The following FOXP2 variants were observed in gnomAD, a reference collection of about 807,000 sequenced individuals.
The protein encoded by FOXP2 is forkhead box protein P2.
FOXP2 carries 12 observed loss-of-function variants against 115.8 expected under a neutral mutation model. The observed-to-expected ratio is 0.10, with a 90% confidence interval of 0.07 to 0.17. FOXP2 has a LOEUF of 0.17. FOXP2 is among the 10% of genes least tolerant of loss of function. The probability of loss-of-function intolerance (pLI) is 1.00; values close to 1 mark genes in which losing one functional copy is unlikely to be tolerated. For synonymous variants in FOXP2, 328 were observed against 297.7 expected, an observed-to-expected ratio of 1.10 and a Z score of -1.05; for missense variants, 629 against 843.5, an observed-to-expected ratio of 0.75 and a Z score of 3.15.
intron 3 of FOXP2, among the ~76,000 whole-genome samples, chr7:114,596,782 A>G (rs1168766468): frequency 2.6e-5 from 4 of 152,032 alleles, no homozygotes. Context: ...CATTAGGATG[A>G]TATTCTTAGT....
chr7:114,294,164 A>G (rs1796678527), intron 2 of FOXP2, among the ~76,000 whole-genome samples: 1 of 152,234 alleles, frequency 6.6e-6, no homozygotes, highest in African/African-American at 2.4e-5. Flanking sequence ...ATTTTGCAAC[A>G]TGCAGAAGCT....
intron 1 of FOXP2, among the ~76,000 whole-genome samples, chr7:114,096,265 G>T (rs759533873): frequency 6.6e-6 from 1 of 152,136 alleles, no homozygotes; most frequent in Non-Finnish European, 1.5e-5. Context: ...ATTTTACATT[G>T]TTAAATGTTA....
At chr7:114,658,687 T>C (rs1303065504) in intron 11 of FOXP2, among the ~76,000 whole-genome samples, 2 of 152,230 alleles carry the variant, frequency 1.3e-5, no homozygotes, top group African/African-American at 4.8e-5. Context: ...ATCAAGGTGC[T>C]ACCTAAATGA....
chr7:114,388,587 G>A (rs1432040878), intron 2 of FOXP2, among the ~76,000 whole-genome samples: 1 of 152,090 alleles, frequency 6.6e-6, no homozygotes, highest in Non-Finnish European at 1.5e-5. Context: ...ACCAGCAGGA[G>A]TTCTGATAGC....
At chr7:114,308,252 T>TG (rs1017308310) in intron 2 of FOXP2, among the ~76,000 whole-genome samples, 1 of 152,016 alleles carries the variant, frequency 6.6e-6, no homozygotes, top group African/African-American at 2.4e-5. Flanking sequence ...CATAGGCCAC[T>TG]GGGGGGGACT....
intron 2 of FOXP2, among the ~76,000 whole-genome samples, chr7:114,504,277 CT>C (rs1261477232): frequency 1.3e-5 from 2 of 151,476 alleles, no homozygotes; most frequent in Admixed American, 1.3e-4. Flanking sequence ...TCTTTTATTA[CT>C]TTTTTCTCTC....
chr7:114,508,574 G>A (rs1337857557), intron 2 of FOXP2, among the ~76,000 whole-genome samples: 1 of 152,022 alleles, frequency 6.6e-6, no homozygotes, highest in African/African-American at 2.4e-5. Context: ...CAATTAAGGA[G>A]AAGAGGAGCA....
intron 3 of FOXP2, among the ~76,000 whole-genome samples, chr7:114,619,232 G>A (rs1272202628): frequency 6.6e-6 from 1 of 151,930 alleles, no homozygotes; most frequent in Non-Finnish European, 1.5e-5. Flanking sequence ...AAAAGAAATG[G>A]CCACTTTGTG....
At chr7:114,148,434 C>T (rs147564148) in intron 1 of FOXP2, among the ~76,000 whole-genome samples, 141 of 152,182 alleles carry the variant, frequency 9.3e-4, no homozygotes, top group Non-Finnish European at 1.3e-3. Context: ...TTGTAGGCAA[C>T]GTTCACTTAT....
chr7:114,330,658 A>G (rs1025770777), intron 2 of FOXP2, among the ~76,000 whole-genome samples: 3 of 152,064 alleles, frequency 2.0e-5, no homozygotes, highest in Non-Finnish European at 2.9e-5. Flanking sequence ...AATCATAAAC[A>G]TAAAGTAACT....
intron 1 of FOXP2, among the ~76,000 whole-genome samples, chr7:114,207,352 A>G (rs1794225229): frequency 6.6e-6 from 1 of 152,180 alleles, no homozygotes; most frequent in African/African-American, 2.4e-5. Flanking sequence ...CATTTTGAGA[A>G]ATGGCCAAAC....
intron 3 of FOXP2, among the ~76,000 whole-genome samples, chr7:114,549,231 A>G (rs1183059691): frequency 2.0e-5 from 3 of 152,130 alleles, no homozygotes; most frequent in Admixed American, 6.5e-5. Flanking sequence ...CCCAGAATTG[A>G]TTGGTACTGT....
chr7:114,265,292 G>C (rs968138290), intron 1 of FOXP2, among the ~76,000 whole-genome samples: 3 of 152,144 alleles, frequency 2.0e-5, no homozygotes, highest in African/African-American at 7.2e-5. Flanking sequence ...GGAGAAATCA[G>C]CCAAAAGAAA....
intron 1 of FOXP2, among the ~76,000 whole-genome samples, chr7:114,137,053 C>T (rs1792060655): frequency 6.6e-6 from 1 of 151,894 alleles, no homozygotes. Context: ...ATGAGTTTGC[C>T]TTTCATCAAA....
intron 2 of FOXP2, among the ~76,000 whole-genome samples, chr7:114,431,563 G>A (rs1794113190): frequency 6.6e-6 from 1 of 151,858 alleles, no homozygotes. Context: ...TTTATGTTAA[G>A]TTCACATTAT....
intron 2 of FOXP2, among the ~76,000 whole-genome samples, chr7:114,444,843 A>G (rs111461703): frequency 0.021 from 3,160 of 152,288 alleles, 36 homozygotes; most frequent in African/African-American, 0.035. Flanking sequence ...AAGAACAAAG[A>G]ATGGGAAAAC....
intron 2 of FOXP2, among the ~76,000 whole-genome samples, chr7:114,463,792 T>TA (rs1413683675): frequency 6.6e-6 from 1 of 152,108 alleles, no homozygotes; most frequent in African/African-American, 2.4e-5. Context: ...TAAGTCCAGG[T>TA]AAAAAACAGT....
At chr7:114,568,852 C>T (rs989059570) in intron 3 of FOXP2, among the ~76,000 whole-genome samples, 1 of 151,740 alleles carries the variant, frequency 6.6e-6, no homozygotes, top group Non-Finnish European at 1.5e-5. Context: ...TGTACTCCTC[C>T]AGGAGTGAGA....
intron 1 of FOXP2, among the ~76,000 whole-genome samples, chr7:114,144,616 A>G (rs950763523): frequency 2.0e-5 from 3 of 152,120 alleles, no homozygotes; most frequent in African/African-American, 4.8e-5. Context: ...AATATTAACT[A>G]TAGAGTTTAA....
Sources: gnomAD v4.1 joint callset for allele counts (sites outside exome capture counted in the v4.1 genomes callset) on GRCh38, gnomAD v4.1.1 for gene constraint, MANE v1.5 for transcripts, NCBI Gene and HGNC (gene_info 2026-07-23, HGNC 2026-07-21) for gene names.